The following CPXM2 variants were observed in gnomAD, a reference collection of about 807,000 sequenced individuals.
CPXM2 encodes the protein carboxypeptidase X, M14 family member 2.
In CPXM2, 66 loss-of-function variants were observed where a neutral mutation model predicts 86.1. The ratio of observed to expected loss-of-function variants is 0.77; its 90% confidence interval spans 0.63 to 0.94. CPXM2 has a LOEUF of 0.94. Ranked by LOEUF, CPXM2 falls within the 40% of genes least tolerant of loss-of-function variation. CPXM2 has a pLI of 0.00. For synonymous variants in CPXM2, 388 were observed against 400.2 expected (o/e 0.97, Z 0.36); for missense variants, 948 against 1,026.3 (o/e 0.92, Z 1.04).
In CPXM2 at chr10:123,928,183, G is replaced by A. The variant is rs559791333; in HGVS notation, n.174+11294C>T. ...GGTTTCTTGAGTGCTGAACAAGGGA[G>A]GCCACCAGAGAGCTTTGATTCACCA... On this transcript the variant is annotated intron_variant and non_coding_transcript_variant, in intron 2 of 19. Coordinates refer to the CPXM2 transcript ENST00000368854. Among the ~76,000 whole-genome samples the A allele has an allele frequency of 7.9e-5, 12 of 152,246 alleles. No individual in the cohort carries two copies. The South Asian group carries it at 1.5e-3, about 18-fold the overall frequency.
intron 3 of CPXM2, among the ~76,000 whole-genome samples, chr10:123,855,396 A>C (rs548972200): frequency 1.8e-4 from 28 of 152,350 alleles, no homozygotes; most frequent in African/African-American, 6.3e-4. Context: ...TCGGGAAGGC[A>C]TGAAGGAAGA....
intron 1 of CPXM2, among the ~76,000 whole-genome samples, chr10:123,880,533 C>T (rs1235460276): frequency 1.3e-5 from 2 of 152,182 alleles, no homozygotes; most frequent in East Asian, 1.9e-4. Flanking sequence ...CAATGTACAC[C>T]TGCACGTTGT....
intron 2 of CPXM2, among the ~76,000 whole-genome samples, chr10:123,906,624 C>A (rs1317416475): frequency 1.3e-5 from 2 of 152,194 alleles, no homozygotes; most frequent in Non-Finnish European, 2.9e-5. Context: ...CTGTGGAATG[C>A]CAAACTGAAA....
In CPXM2 at chr10:123,757,368, G is replaced by A. The variant is rs753473989; in HGVS notation, c.1778-16C>T. 1.2e-6 allele frequency: 2 copies of A among 1,609,166 alleles called. No individual in the cohort carries two copies. Among genetic ancestry groups the A allele is most frequent in the East Asian group, 2.2e-5 (1 of 44,778 alleles). ...TCGTTCAGACCTGCCAAGCCAACCG[G>A]ACAACACTTTAACTGAACAATACTC... On this transcript the variant is annotated splice_polypyrimidine_tract_variant and intron_variant, in intron 11 of 13. Transcript: ENST00000241305.
chr10:123,770,700 G>C (rs541199003), intron 8 of CPXM2, among the ~76,000 whole-genome samples: 26 of 152,362 alleles, frequency 1.7e-4, no homozygotes, highest in African/African-American at 6.0e-4. Flanking sequence ...TTGGAGAAAA[G>C]ATGGGTATTT....
chr10:123,860,929 T>C (rs1231765022), intron 3 of CPXM2, among the ~76,000 whole-genome samples: 2 of 152,240 alleles, frequency 1.3e-5, no homozygotes, highest in African/African-American at 4.8e-5. Context: ...ATGTTCTACC[T>C]GAATTCGTCT....
At chr10:123,767,305 T>C (rs954989385) in intron 9 of CPXM2, among the ~76,000 whole-genome samples, 153 bp from the exon 10 acceptor site, 2 of 152,204 alleles carry the variant, frequency 1.3e-5, no homozygotes, top group African/African-American at 2.4e-5. Flanking sequence ...AAGGAGAATA[T>C]TGAAAAACTT....
At chr10:123,792,494 C>T (rs952593069) in intron 6 of CPXM2, among the ~76,000 whole-genome samples, 4 of 152,124 alleles carry the variant, frequency 2.6e-5, no homozygotes, top group Admixed American at 1.3e-4. Context: ...CCAGACATTC[C>T]GCCCACCACC....
intron 4 of CPXM2, among the ~76,000 whole-genome samples, chr10:123,823,168 C>T (rs1393203387): frequency 6.6e-6 from 1 of 151,948 alleles, no homozygotes; most frequent in Non-Finnish European, 1.5e-5. Context: ...AAGATATGTA[C>T]CATCGAAATA....
intron 7 of CPXM2, among the ~76,000 whole-genome samples, chr10:123,778,816 C>G (rs1459276478): frequency 6.6e-6 from 1 of 152,170 alleles, no homozygotes; most frequent in East Asian, 1.9e-4. Context: ...TATAAATACC[C>G]TCAAAATGTA....
At chr10:123,932,875 T>G (rs1201244091) in intron 2 of CPXM2, among the ~76,000 whole-genome samples, 1 of 152,100 alleles carries the variant, frequency 6.6e-6, no homozygotes, top group Non-Finnish European at 1.5e-5. Flanking sequence ...CCAGTCTCAG[T>G]GCAAGGGCAC....
intron 13 of CPXM2, chr10:123,751,740 A>T: frequency 1.0e-6 from 1 of 985,466 alleles, no homozygotes; most frequent in Non-Finnish European, 1.2e-6. Flanking sequence ...TAAACCTCAG[A>T]TAGAAATCAA....
chr10:123,877,527 T>C (rs550721953), intron 2 of CPXM2, among the ~76,000 whole-genome samples: 3 of 152,328 alleles, frequency 2.0e-5, no homozygotes, highest in Admixed American at 2.0e-4. Flanking sequence ...CACACTCTTC[T>C]TGTGGAGATG....
intron 2 of CPXM2, among the ~76,000 whole-genome samples, chr10:123,870,462 T>C (rs1944874514): frequency 6.6e-6 from 1 of 152,240 alleles, no homozygotes; most frequent in Non-Finnish European, 1.5e-5. Flanking sequence ...CATTGTCGCC[T>C]ATAAATGGAG....
At chr10:123,750,284 C>T in intron 13 of CPXM2, 1 of 985,402 alleles carries the variant, frequency 1.0e-6, no homozygotes, top group Non-Finnish European at 1.2e-6. Flanking sequence ...CAGATAAGGG[C>T]TCAGTGCTTA....
intron 2 of CPXM2, 71 bp from the exon 3 acceptor site, chr10:123,862,794 C>G: frequency 1.5e-6 from 2 of 1,356,718 alleles, no homozygotes; most frequent in Non-Finnish European, 2.1e-6. Context: ...TTTTCTAAAT[C>G]TGGCCGCGTG....
rs938413071 is a variant in CPXM2 at position 123,882,459 on chromosome 10, T to C, written c.305-2150A>G. 2.6e-5 allele frequency among the ~76,000 whole-genome samples: 4 copies of C among 152,158 alleles called. No individual in the cohort carries two copies. The East Asian group carries it at 7.7e-4, about 29-fold the overall frequency. On this transcript the variant is annotated intron_variant, in intron 1 of 13. Coordinates refer to ENST00000241305, the MANE Select transcript of CPXM2 (RefSeq NM_198148.3). Reference sequence around the variant, plus strand: ...CCTGACCAGGGCTCTGTAAAGGCCTTAGTGGCTCCACAAAATCAGGAGCAT... The same window carrying C: ...CCTGACCAGGGCTCTGTAAAGGCCTCAGTGGCTCCACAAAATCAGGAGCAT...
chr10:123,858,435 C>T (rs981720510), intron 3 of CPXM2, among the ~76,000 whole-genome samples: 3 of 152,360 alleles, frequency 2.0e-5, no homozygotes, highest in South Asian at 2.1e-4. Flanking sequence ...GAGATGTACA[C>T]GGTTTGATCA....
intron 3 of CPXM2, among the ~76,000 whole-genome samples, chr10:123,846,586 C>A (rs755390126): frequency 6.6e-6 from 1 of 152,054 alleles, no homozygotes; most frequent in Non-Finnish European, 1.5e-5. Flanking sequence ...ACTTGGGGAC[C>A]CTGTACTAGA....
Sources: gnomAD v4.1 joint callset for allele counts (sites outside exome capture counted in the v4.1 genomes callset) on GRCh38, gnomAD v4.1.1 for gene constraint, MANE v1.5 for transcripts, NCBI Gene and HGNC (gene_info 2026-07-23, HGNC 2026-07-21) for gene names.